ARID2: variants seen among roughly 807,000 people sequenced by gnomAD.
The protein encoded by ARID2 is AT-rich interaction domain 2, also known as AT-rich interactive domain-containing protein 2.
In ARID2, 32 loss-of-function variants were observed where a neutral mutation model predicts 184.6. That is an observed-to-expected ratio of 0.17 (90% CI 0.13 to 0.23). ARID2 has a LOEUF of 0.23. Ranked by LOEUF, ARID2 falls within the 10% of genes least tolerant of loss-of-function variation. ARID2 has a pLI of 1.00. For synonymous variants in ARID2, 836 were observed against 772.6 expected, an observed-to-expected ratio of 1.08 and a Z score of -1.36; for missense variants, 1,696 against 2,197.6, an observed-to-expected ratio of 0.77 and a Z score of 4.56.
At chr12:45,843,856 T>C (rs182929642) in intron 11 of ARID2, among the ~76,000 whole-genome samples, 1 of 152,338 alleles carries the variant, frequency 6.6e-6, no homozygotes, top group African/African-American at 2.4e-5. Context: ...GTCTCTTGCT[T>C]AATCAGGCTC....
At chr12:45,792,739 G>T (rs1041180385) in intron 3 of ARID2, among the ~76,000 whole-genome samples, 1 of 151,572 alleles carries the variant, frequency 6.6e-6, no homozygotes, top group Non-Finnish European at 1.5e-5. Context: ...ATATCTTCCT[G>T]GTCAATTGAA....
Position 45,821,471 on chromosome 12 carries a change from A to G in ARID2, c.689A>G (p.Asp230Gly). 6.0e-6 allele frequency: 9 copies of G among 1,512,244 alleles called. No homozygotes were observed. Among genetic ancestry groups the G allele is most frequent in the Non-Finnish European group, 7.0e-6 (8 of 1,136,628 alleles). The allele number at this position is 1,512,244 out of a possible 1,614,324, so 93.7% of individuals were successfully genotyped here. Residue 230 changes from aspartate (D) to glycine (G), a missense_variant, in exon 6 of 21, where the codon GAT (aspartate) becomes GGT (glycine). Transcript: ENST00000334344. ...GGAGAAGAATGGAAAGAGAAGACTGATAGAGACTTCGTTAAGGTAAATCAT... is the reference window on the plus strand; with the variant it reads ...GGAGAAGAATGGAAAGAGAAGACTGGTAGAGACTTCGTTAAGGTAAATCAT... ...VFGEEWKEKTDRDFVKFWKDI... is the reference protein window; with the variant it reads ...VFGEEWKEKTGRDFVKFWKDI...
At chr12:45,792,685 T>C (rs1455788479) in intron 3 of ARID2, among the ~76,000 whole-genome samples, 1 of 152,152 alleles carries the variant, frequency 6.6e-6, no homozygotes, top group African/African-American at 2.4e-5. Context: ...GTGTCAATTT[T>C]GCATTCTATG....
intron 16 of ARID2, among the ~76,000 whole-genome samples, chr12:45,873,811 A>G (rs1943964133): frequency 6.6e-6 from 1 of 152,220 alleles, no homozygotes; most frequent in Non-Finnish European, 1.5e-5. Flanking sequence ...ACCTTTAGCA[A>G]GTCATCATCT....
At chr12:45,748,320 G>A (rs1277927084) in intron 3 of ARID2, among the ~76,000 whole-genome samples, 1 of 152,170 alleles carries the variant, frequency 6.6e-6, no homozygotes, top group Non-Finnish European at 1.5e-5. Context: ...GAGCCTGGGA[G>A]GTTGAGGCTG....
intron 3 of ARID2, among the ~76,000 whole-genome samples, chr12:45,777,816 T>A (rs1001955011): frequency 6.8e-6 from 1 of 147,870 alleles, no homozygotes; most frequent in Admixed American, 6.8e-5. Context: ...TTTATTTTTT[T>A]ATATAAATAT....
intron 3 of ARID2, among the ~76,000 whole-genome samples, chr12:45,735,818 ATTGAGTTC>A (rs974116127): frequency 1.3e-5 from 2 of 152,348 alleles, no homozygotes; most frequent in Non-Finnish European, 2.9e-5. Flanking sequence ...GTAGAAATAA[ATTGAGTTC>A]TTTCTAAGAC....
At chr12:45,900,305 C>A (rs929561806) in intron 20 of ARID2, among the ~76,000 whole-genome samples, 3 of 152,180 alleles carry the variant, frequency 2.0e-5, no homozygotes, top group African/African-American at 7.2e-5. Context: ...AAGTGATCCA[C>A]CCACCTTGGC....
At chr12:45,842,293 GTGTGTATATATATACACACATGTA>G (rs946164663) in intron 11 of ARID2, 2 of 148,432 alleles carry the variant, frequency 1.3e-5, no homozygotes, top group Non-Finnish European at 3.0e-5. Flanking sequence ...ACACATATGT[GTGTGTATATATATACACACATGTA>G]TATGTATATA....
chr12:45,740,787 GT>G (rs1388576972), intron 3 of ARID2, among the ~76,000 whole-genome samples: 1 of 151,978 alleles, frequency 6.6e-6, no homozygotes, highest in African/African-American at 2.4e-5. Flanking sequence ...GCCTTTTTGT[GT>G]CTTTTGTGAT....
chr12:45,795,260 A>G (rs1039210302), intron 3 of ARID2, among the ~76,000 whole-genome samples: 2 of 152,026 alleles, frequency 1.3e-5, no homozygotes, highest in African/African-American at 4.8e-5. Context: ...GATCATTTCT[A>G]CCCATTGTAC....
At chr12:45,739,005 GTT>G (rs1941189686) in intron 3 of ARID2, among the ~76,000 whole-genome samples, 4 of 151,226 alleles carry the variant, frequency 2.6e-5, no homozygotes, top group African/African-American at 9.7e-5. Flanking sequence ...TTTCGCTCTT[GTT>G]ACCCAGGCTA....
At chr12:45,743,518 G>A (rs761454363) in intron 3 of ARID2, among the ~76,000 whole-genome samples, 3 of 152,182 alleles carry the variant, frequency 2.0e-5, no homozygotes, top group Non-Finnish European at 4.4e-5. Context: ...CTACAGACAT[G>A]CACCACTGTG....
chr12:45,769,663 G>A (rs1053155276), intron 3 of ARID2, among the ~76,000 whole-genome samples: 7 of 152,188 alleles, frequency 4.6e-5, no homozygotes, highest in Non-Finnish European at 1.0e-4. Flanking sequence ...TTATTCACAA[G>A]TTTATTGAAA....
At chr12:45,903,802 G>A (rs1262051414) in intron 20 of ARID2, among the ~76,000 whole-genome samples, 2 of 151,754 alleles carry the variant, frequency 1.3e-5, no homozygotes, top group Non-Finnish European at 2.9e-5. Context: ...TTTATTCGGA[G>A]TTATTTTAAT....
At chr12:45,822,882 T>TTTAC (rs1197564044) in intron 6 of ARID2, among the ~76,000 whole-genome samples, 1 of 152,118 alleles carries the variant, frequency 6.6e-6, no homozygotes. Context: ...AGTTCGGGAC[T>TTTAC]TTACTCACTT....
At chr12:45,742,208 G>T (rs1366545930) in intron 3 of ARID2, among the ~76,000 whole-genome samples, 2 of 152,112 alleles carry the variant, frequency 1.3e-5, no homozygotes, top group African/African-American at 4.8e-5. Flanking sequence ...AAAGTGTTTT[G>T]GTAAATGATG....
At chr12:45,750,406 A>C (rs1485800656) in intron 3 of ARID2, among the ~76,000 whole-genome samples, 1 of 152,208 alleles carries the variant, frequency 6.6e-6, no homozygotes, top group Non-Finnish European at 1.5e-5. Context: ...AATAATGAAA[A>C]AGTTTGAAAT....
chr12:45,812,358 A>G (rs958015763), intron 4 of ARID2, among the ~76,000 whole-genome samples: 10 of 152,096 alleles, frequency 6.6e-5, no homozygotes, highest in Admixed American at 2.0e-4. Flanking sequence ...TTTGTGGACT[A>G]TCATCAGTAT....
Sources: gnomAD v4.1 joint callset for allele counts (sites outside exome capture counted in the v4.1 genomes callset) on GRCh38, gnomAD v4.1.1 for gene constraint, MANE v1.5 for transcripts, NCBI Gene and HGNC (gene_info 2026-07-23, HGNC 2026-07-21) for gene names.